The following MTOR variants were observed in gnomAD, a reference collection of about 807,000 sequenced individuals.
MTOR encodes the protein mechanistic target of rapamycin kinase.
A neutral mutation model predicts 319.8 loss-of-function variants in MTOR; 70 were observed. The ratio of observed to expected loss-of-function variants is 0.22; its 90% CI spans 0.18 to 0.27. The LOEUF is 0.27. Ranked by LOEUF, MTOR falls within the 10% of genes least tolerant of loss-of-function variation. The pLI, the probability that MTOR is intolerant of heterozygous loss-of-function variation, is 1.00. For synonymous variants in MTOR, 1,183 were observed against 1,211.4 expected (o/e 0.98, Z 0.49); for missense variants, 1,890 against 3,274.4 (o/e 0.58, Z 10.32).
chr1:11,115,164 A>C lies in MTOR; in HGVS notation c.7089+232T>G, dbSNP rs151181552. Among the ~76,000 whole-genome samples the C allele has an allele frequency of 1.9e-3, 284 of 152,286 alleles. 3 individuals are homozygous for C. The highest frequency in any genetic ancestry group is 6.6e-3 in the African/African-American group (274 of 41,556). ...TTGGGCAACAGGTGGTATGGAGGGTAGGGGCCTACTCTACTCAGAGGGCAT... is the reference window on the plus strand; with the variant it reads ...TTGGGCAACAGGTGGTATGGAGGGTCGGGGCCTACTCTACTCAGAGGGCAT... On this transcript the variant is annotated intron_variant, in intron 51 of 57. Transcript: ENST00000361445. This position sits in a 1 kb window ranked among gnomAD's most constrained non-coding sequence, Gnocchi z 4.5.
At chr1:11,240,643 G>T (rs1242314119) in intron 10 of MTOR, 96 bp from the exon 11 acceptor site, 14 of 1,456,000 alleles carry the variant, frequency 9.6e-6, no homozygotes, top group Non-Finnish European at 1.3e-5. Flanking sequence ...AGGGGATCAG[G>T]CCTCTGTTCT....
chr1:11,112,129 T>TA (rs1334543801), intron 54 of MTOR, among the ~76,000 whole-genome samples: 1 of 152,200 alleles, frequency 6.6e-6, no homozygotes, highest in African/African-American at 2.4e-5. Flanking sequence ...ACAAGTCTTC[T>TA]AGACCCCTGC....
chr1:11,118,757 G>C (rs976482948), intron 49 of MTOR, among the ~76,000 whole-genome samples: 10 of 151,692 alleles, frequency 6.6e-5, no homozygotes, highest in Non-Finnish European at 1.2e-4. Flanking sequence ...CTCCTAAGTA[G>C]CTGGGACAAT....
At position 11,181,276 on chromosome 1, in the gene MTOR, A is replaced by AG. The variant is rs797000045; in HGVS notation, c.4254-13760_4254-13759insC. On this transcript the variant is annotated intron_variant, in intron 28 of 57. Coordinates refer to ENST00000361445, the MANE Select transcript of MTOR (RefSeq NM_004958.4). ...GCTGATCATCTTCCTAAGTAAAAAA[A>AG]AAAGTGATGAGACACAGCCTGGTGA... Among the ~76,000 whole-genome samples the AG allele has an allele frequency of 5.6e-4, 86 of 152,278 alleles. 1 individual carries two copies. The highest frequency in any genetic ancestry group is 2.0e-3 in the African/African-American group (83 of 41,552).
At chr1:11,238,304 C>A (rs766845625) in intron 12 of MTOR, 98 bp downstream of exon 12, 2 of 1,298,312 alleles carry the variant, frequency 1.5e-6, no homozygotes, top group Non-Finnish European at 2.2e-6. Context: ...GCTTTTTGAG[C>A]CGAAGAACTC....
chr1:11,165,987 A>G (rs1644631812), intron 29 of MTOR, among the ~76,000 whole-genome samples: 1 of 152,226 alleles, frequency 6.6e-6, no homozygotes, highest in Non-Finnish European at 1.5e-5. Flanking sequence ...AAAACAAGCA[A>G]TGGGGGAAGG....
intron 13 of MTOR, among the ~76,000 whole-genome samples, chr1:11,235,568 C>CA (rs1351991432): frequency 6.6e-6 from 1 of 151,988 alleles, no homozygotes; most frequent in East Asian, 1.9e-4. Context: ...AGTTTAAAAA[C>CA]AAAAAAGAGT....
intron 10 of MTOR, among the ~76,000 whole-genome samples, chr1:11,241,065 G>A (rs1033479529): frequency 9.9e-5 from 15 of 151,670 alleles, no homozygotes; most frequent in African/African-American, 3.6e-4. Flanking sequence ...GCTCACACCT[G>A]TAATCTCAGC....
chr1:11,145,700 C>T (rs1643907637), intron 32 of MTOR, among the ~76,000 whole-genome samples: 2 of 152,176 alleles, frequency 1.3e-5, no homozygotes, highest in South Asian at 2.1e-4. Context: ...GATAGGGTTT[C>T]ACCATGTTGG....
chr1:11,212,220 C>A lies in MTOR; in HGVS notation c.3561+92G>T. 2 of 1,445,624 alleles carry A rather than the reference C, an allele frequency of 1.4e-6. No individual in the cohort carries two copies. Among genetic ancestry groups the A allele is most frequent in the South Asian group, 2.8e-5 (2 of 72,642 alleles). The allele number at this position is 1,445,624 out of a possible 1,614,324, so 89.5% of individuals were successfully genotyped here. ...GTAATTCCACGTTCTCTGATGGTGG[C>A]TGGCATCAGACAAAGTCTGAGTGGC... On this transcript the variant is annotated intron_variant, in intron 23 of 57. Coordinates refer to ENST00000361445, the MANE Select transcript of MTOR (RefSeq NM_004958.4). This position sits in a 1 kb window ranked among gnomAD's most constrained non-coding sequence, Gnocchi z 4.1.
At chr1:11,112,300 A>G (rs970911945) in intron 54 of MTOR, among the ~76,000 whole-genome samples, 2 of 152,234 alleles carry the variant, frequency 1.3e-5, no homozygotes, top group Admixed American at 6.5e-5. Context: ...CCCAGACACC[A>G]TTAGTGAGCT....
At chr1:11,192,518 G>C in intron 28 of MTOR, 1 of 646,314 alleles carries the variant, frequency 1.5e-6, no homozygotes, top group Non-Finnish European at 2.7e-6. Flanking sequence ...CACTATGGGA[G>C]GCCGAGGCAG....
intron 15 of MTOR, chr1:11,232,895 T>A (rs2746640): frequency 0.74 from 400,439 of 539,034 alleles, 150,408 homozygotes; most frequent in East Asian, 0.91. Context: ...AAATAAAAAA[T>A]TTTTTTTAAA....
Position 11,109,471 on chromosome 1 carries a change from A to G in MTOR, c.7448-101T>C. ...CAAATATTCACTTTTGTAAGTGTTA[A>G]GCAATCCTTCCTCTATGTCCGTCTT... On this transcript the variant is annotated intron_variant, in intron 55 of 57. Coordinates refer to ENST00000361445, the MANE Select transcript of MTOR (RefSeq NM_004958.4). This position sits in a 1 kb window ranked among gnomAD's most constrained non-coding sequence, Gnocchi z 4.0. 1 of 1,268,910 alleles carries G rather than the reference A, an allele frequency of 7.9e-7. No individual in the cohort carries two copies. Among genetic ancestry groups the G allele is most frequent in the Non-Finnish European group, 1.1e-6 (1 of 881,542 alleles). 78.6% of individuals were successfully genotyped at this position (1,268,910 alleles called of 1,614,324 possible).
intron 19 of MTOR, among the ~76,000 whole-genome samples, chr1:11,224,023 A>G (rs1268988695): frequency 1.3e-5 from 2 of 149,940 alleles, no homozygotes; most frequent in African/African-American, 2.5e-5. Context: ...TGGCAACAAG[A>G]GCGATACTCC....
chr1:11,121,011 CT>C lies in MTOR; in HGVS notation c.6933+234del, dbSNP rs1191861464. On this transcript the variant is annotated intron_variant, in intron 49 of 57. Transcript: ENST00000361445. This position sits in a 1 kb window ranked among gnomAD's most constrained non-coding sequence, Gnocchi z 4.9. ...TTTGTAACATATATAAAAAAGACAA[CT>C]ATCTTTAATTCTTTAATATATAAAG... 6.6e-6 allele frequency among the ~76,000 whole-genome samples: 1 copy of C among 152,182 alleles called. No individual in the cohort carries two copies. The highest frequency in any genetic ancestry group is 1.5e-5 in the Non-Finnish European group (1 of 68,020).
chr1:11,236,920 T>C (rs529751463), intron 13 of MTOR, among the ~76,000 whole-genome samples: 59 of 152,326 alleles, frequency 3.9e-4, no homozygotes, highest in African/African-American at 1.3e-3. Context: ...ACGCTAAAAA[T>C]AGAAGTGCCA....
intron 28 of MTOR, among the ~76,000 whole-genome samples, chr1:11,197,602 C>T (rs1227633301): frequency 3.9e-5 from 6 of 152,172 alleles, no homozygotes; most frequent in Admixed American, 6.5e-5. Flanking sequence ...AGTACAGTGA[C>T]GCAATCTTGG....
In MTOR at chr1:11,132,279, G is replaced by A. The variant is rs1015981067; in HGVS notation, c.5364+801C>T. On this transcript the variant is annotated intron_variant, in intron 38 of 57. Coordinates refer to ENST00000361445, the MANE Select transcript of MTOR (RefSeq NM_004958.4). ...TTTACCGGATGTATTTTCCAGCTTT[G>A]GACATGCAAGCTGTCCTAGAGAGAG... 2.6e-5 allele frequency: 4 copies of A among 152,088 alleles called. No individual in the cohort carries two copies. In the East Asian group the frequency reaches 7.7e-4, roughly 29 times the overall value. 9.4% of individuals were successfully genotyped at this position (152,088 alleles called of 1,614,324 possible). A position where few individuals can be genotyped will look rare whatever the true frequency, so the allele number is the denominator to read the frequency against.
Sources: allele counts gnomAD v4.1 joint callset (sites outside exome capture counted in the v4.1 genomes callset), GRCh38; gene constraint gnomAD v4.1.1; non-coding constraint Gnocchi (gnomAD v3.1); transcripts MANE v1.5; gene names NCBI Gene and HGNC (gene_info 2026-07-23, HGNC 2026-07-21).